GPR158: variants seen among roughly 807,000 people sequenced by gnomAD.
The protein encoded by GPR158 is G protein-coupled receptor 158.
A neutral mutation model predicts 78.2 loss-of-function variants in GPR158; 30 were observed. The observed-to-expected ratio is 0.38, with a 90% confidence interval of 0.29 to 0.52. GPR158 has a LOEUF of 0.52. Ranked by LOEUF, GPR158 falls within the 20% of genes least tolerant of loss-of-function variation. GPR158 has a pLI of 0.83. For synonymous variants in GPR158, 581 were observed against 591.1 expected (o/e 0.98, Z 0.25); for missense variants, 1,463 against 1,523.5 (o/e 0.96, Z 0.66).
intron 5 of GPR158, among the ~76,000 whole-genome samples, chr10:25,504,179 C>T (rs941737642): frequency 1.3e-5 from 2 of 152,178 alleles, no homozygotes; most frequent in Non-Finnish European, 2.9e-5. Context: ...GCATGAGCCA[C>T]CACACCTGGC....
intron 4 of GPR158, among the ~76,000 whole-genome samples, chr10:25,419,802 T>A (rs1159060813): frequency 3.3e-5 from 5 of 152,194 alleles, no homozygotes. Flanking sequence ...CATTTATATA[T>A]CTTCTTTGAA....
intron 4 of GPR158, among the ~76,000 whole-genome samples, chr10:25,429,761 A>C (rs1834873219): frequency 2.1e-5 from 3 of 144,456 alleles, no homozygotes; most frequent in Admixed American, 7.0e-5. Context: ...GACAAAAACC[A>C]CATGACTATC....
intron 2 of GPR158, among the ~76,000 whole-genome samples, chr10:25,224,154 T>A (rs1853340355): frequency 6.6e-6 from 1 of 152,172 alleles, no homozygotes; most frequent in Non-Finnish European, 1.5e-5. Context: ...CTAATCTAGA[T>A]TACTGTAAAA....
intron 2 of GPR158, among the ~76,000 whole-genome samples, chr10:25,370,345 C>T (rs991196704): frequency 1.4e-5 from 2 of 142,598 alleles, no homozygotes; most frequent in Admixed American, 7.1e-5. Flanking sequence ...TTGAATGCGT[C>T]CCAGAGATCC....
intron 2 of GPR158, among the ~76,000 whole-genome samples, chr10:25,268,737 G>A (rs1320967970): frequency 6.6e-6 from 1 of 152,150 alleles, no homozygotes; most frequent in African/African-American, 2.4e-5. Flanking sequence ...ATATAGAAGA[G>A]TAGAGTAATC....
At chr10:25,520,563 CCTTT>C (rs1836247389) in intron 5 of GPR158, among the ~76,000 whole-genome samples, 1 of 150,220 alleles carries the variant, frequency 6.7e-6, no homozygotes, top group Non-Finnish European at 1.5e-5. Flanking sequence ...GTGTGGATGT[CCTTT>C]CTGTTTGTTA....
At chr10:25,564,632 GCTC>G (rs1836904891) in intron 6 of GPR158, among the ~76,000 whole-genome samples, 2 of 152,152 alleles carry the variant, frequency 1.3e-5, no homozygotes. Flanking sequence ...GGTCCATTGT[GCTC>G]CTCTAGTACT....
intron 2 of GPR158, among the ~76,000 whole-genome samples, chr10:25,241,155 TTCTTTCTTTC>T (rs1019056296): frequency 1.7e-5 from 2 of 121,174 alleles, no homozygotes; most frequent in Non-Finnish European, 3.2e-5. Flanking sequence ...CTTTCTTTCT[TTCTTTCTTTC>T]TTTCTTTCTT....
intron 5 of GPR158, among the ~76,000 whole-genome samples, chr10:25,533,439 G>T (rs2130695930): frequency 6.6e-6 from 1 of 152,256 alleles, no homozygotes; most frequent in South Asian, 2.1e-4. Flanking sequence ...CAATCAGGGT[G>T]GAAGACCAAT....
chr10:25,431,313 C>G (rs910387224), intron 4 of GPR158, among the ~76,000 whole-genome samples: 45 of 146,814 alleles, frequency 3.1e-4, no homozygotes, highest in African/African-American at 1.0e-3. Flanking sequence ...AATGAGATAC[C>G]ATCTCACACC....
intron 5 of GPR158, among the ~76,000 whole-genome samples, chr10:25,541,415 C>A (rs560747257): frequency 1.3e-5 from 2 of 151,536 alleles, no homozygotes; most frequent in African/African-American, 4.8e-5. Flanking sequence ...AATCAAATTT[C>A]TTGATCTTTT....
In GPR158 at chr10:25,176,081, G is replaced by A. The variant is rs1265888483; in HGVS notation, c.661G>A (p.Glu221Lys). 2 of 1,598,308 alleles carry A rather than the reference G, an allele frequency of 1.3e-6. No homozygotes were observed. Among genetic ancestry groups the A allele is most frequent in the Middle Eastern group, 1.7e-4 (1 of 6,044 alleles). Residue 221 changes from glutamate (E) to lysine (K), a missense_variant, in exon 1 of 11, where the codon GAG becomes AAG. Coordinates refer to ENST00000376351, the MANE Select transcript of GPR158 (RefSeq NM_020752.3). This position sits in a 1 kb window ranked among gnomAD's most constrained non-coding sequence, Gnocchi z 6.3. ...PHLANATLET[E>K]WFHGLRRKWR... ...CCTGGCCAACGCCACTCTGGAGACC[G>A]AGTGGTTCCACGGCCTCCGGCGCAA... is the stretch of plus-strand genomic sequence containing the variant.
In GPR158 at chr10:25,598,593, C is replaced by T. The variant is rs372150276; in HGVS notation, c.2967C>T (p.Asp989=). The T allele has an allele frequency of 3.1e-6, 5 of 1,613,892 alleles. No individual in the cohort carries two copies. Among genetic ancestry groups the T allele is most frequent in the African/African-American group, 1.3e-5 (1 of 74,872 alleles). ...QRVNPTTANS[D]LNPGTTQMKD... is the part of the protein sequence containing the mutation. ...TCAACCCCACCACTGCCAATTCTGA[C>T]CTGAACCCAGGCACCACCCAGATGA... Residue 989 remains aspartate, a synonymous_variant, in exon 11 of 11, where the codon GAC becomes GAT. Coordinates refer to ENST00000376351, the MANE Select transcript of GPR158 (RefSeq NM_020752.3).
chr10:25,464,128 G>A (rs1225490915), intron 4 of GPR158, among the ~76,000 whole-genome samples: 2 of 152,206 alleles, frequency 1.3e-5, no homozygotes, highest in East Asian at 3.9e-4. Context: ...TTAGCCAGGA[G>A]CAAGGCAGTG....
At chr10:25,417,866 C>T (rs1294415535) in intron 4 of GPR158, among the ~76,000 whole-genome samples, 1 of 152,162 alleles carries the variant, frequency 6.6e-6, no homozygotes, top group Non-Finnish European at 1.5e-5. Context: ...CTTTTGCTGA[C>T]ATGTGAACCA....
chr10:25,408,202 A>G (rs916807251), intron 3 of GPR158, among the ~76,000 whole-genome samples: 1 of 152,226 alleles, frequency 6.6e-6, no homozygotes, highest in Non-Finnish European at 1.5e-5. Context: ...TTTGTGTGAG[A>G]AGGACTATTT....
At chr10:25,524,938 A>T (rs1424757783) in intron 5 of GPR158, among the ~76,000 whole-genome samples, 1 of 152,182 alleles carries the variant, frequency 6.6e-6, no homozygotes, top group Non-Finnish European at 1.5e-5. Flanking sequence ...AAGACAATTC[A>T]CCCAACTAAA....
At chr10:25,516,061 T>TC (rs1257298782) in intron 5 of GPR158, among the ~76,000 whole-genome samples, 2 of 151,878 alleles carry the variant, frequency 1.3e-5, no homozygotes, top group Non-Finnish European at 2.9e-5. Flanking sequence ...TGATCACCAT[T>TC]CTAACTGGTG....
intron 2 of GPR158, among the ~76,000 whole-genome samples, chr10:25,276,399 G>A (rs888364787): frequency 6.6e-6 from 1 of 152,160 alleles, no homozygotes; most frequent in African/African-American, 2.4e-5. Flanking sequence ...ATGGTTGTTG[G>A]ATATGCTCAA....
Sources: allele counts gnomAD v4.1 joint callset (sites outside exome capture counted in the v4.1 genomes callset), GRCh38; gene constraint gnomAD v4.1.1; non-coding constraint Gnocchi (gnomAD v3.1); transcripts MANE v1.5; gene names NCBI Gene and HGNC (gene_info 2026-07-23, HGNC 2026-07-21).